The following ATP10B variants were observed in gnomAD, a reference collection of about 807,000 sequenced individuals.
ATP10B encodes the protein phospholipid-transporting ATPase VB.
Under a neutral mutation model 141.2 loss-of-function variants are expected in ATP10B, and 122 were observed. The observed-to-expected ratio is 0.86, with a 90% CI of 0.75 to 1.00. The LOEUF (loss-of-function observed/expected upper bound fraction) is 1.00, where lower values mean the gene tolerates loss of function less well. Ranked by LOEUF, ATP10B falls within the 50% of genes least tolerant of loss-of-function variation. ATP10B has a pLI of 0.00. For synonymous variants in ATP10B, 685 were observed against 692.0 expected, an observed-to-expected ratio of 0.99 and a Z score of 0.16; for missense variants, 1,876 against 1,825.3, an observed-to-expected ratio of 1.03 and a Z score of -0.51.
chr5:160,745,733 G>T (rs1277113627), intron 2 of ATP10B, among the ~76,000 whole-genome samples: 2 of 152,222 alleles, frequency 1.3e-5, no homozygotes, highest in Admixed American at 1.3e-4. Flanking sequence ...GCAAGCTATG[G>T]AATATCTCAA....
chr5:160,679,898 G>A (rs965751615), intron 6 of ATP10B, among the ~76,000 whole-genome samples: 3 of 152,076 alleles, frequency 2.0e-5, no homozygotes, highest in Admixed American at 2.0e-4. Context: ...ATCTGTGGCT[G>A]GTATGGTTTC....
intron 11 of ATP10B, among the ~76,000 whole-genome samples, chr5:160,635,327 G>C (rs1759280753): frequency 6.6e-6 from 1 of 152,068 alleles, no homozygotes; most frequent in Non-Finnish European, 1.5e-5. Flanking sequence ...ATAGGGAGCA[G>C]GCCTTGCAGG....
rs1259821383 is a variant in ATP10B at position 160,684,805 on chromosome 5, C to G, written c.470+1274G>C. The G allele has an allele frequency of 4.5e-6, 3 of 659,566 alleles. No individual in the cohort carries two copies. In the African/African-American group the frequency reaches 5.4e-5, roughly 12 times the overall value. The allele number at this position is 659,566 out of a possible 1,614,324, so 40.9% of individuals were successfully genotyped here. A position where few individuals can be genotyped will look rare whatever the true frequency, so the allele number is the denominator to read the frequency against. The stretch of plus-strand genomic sequence containing the variant: ...CAGCCACAAAAAGATCAGGCTGGGC[C>G]CAAGACTTCCCCAGAGTTTTTTGCT... On this transcript the variant is annotated intron_variant, in intron 6 of 25. Transcript: ENST00000327245.
chr5:160,853,209 C>T (rs1030687893), upstream of ATP10B, among the ~76,000 whole-genome samples: 13 of 152,252 alleles, frequency 8.5e-5, no homozygotes, highest in South Asian at 8.3e-4. Flanking sequence ...TTTAAAAGAG[C>T]GAGTTGGCAT....
rs755505320 is a variant in ATP10B at position 160,589,696 on chromosome 5, C to T, written c.3646G>A (p.Ala1216Thr). ...ACATCTATATCAGAGCCCTTATAGG[C>T]CTGCAGAGGAGGAACAGACAGGCAT... ...SLICFFIPYL[A>T]YKGSDIDVFT... The change falls in exon 24 of 26, where the codon GCC becomes ACC. Residue 1216 changes from alanine (A) to threonine (T), a missense_variant and splice_region_variant. Coordinates refer to ENST00000327245, the MANE Select transcript of ATP10B (RefSeq NM_025153.3). 3.1e-6 allele frequency: 5 copies of T among 1,610,048 alleles called. No individual in the cohort carries two copies. In the Admixed American group the frequency reaches 5.0e-5, roughly 16 times the overall value.
At chr5:160,727,720 G>T (rs1009556697) in intron 2 of ATP10B, among the ~76,000 whole-genome samples, 3 of 152,016 alleles carry the variant, frequency 2.0e-5, no homozygotes, top group Admixed American at 6.5e-5. Flanking sequence ...AAAAATCTCA[G>T]GATCCCAAAG....
chr5:160,634,998 G>C (rs1033416656), intron 11 of ATP10B, among the ~76,000 whole-genome samples: 2 of 152,226 alleles, frequency 1.3e-5, no homozygotes, highest in Admixed American at 1.3e-4. Flanking sequence ...TATTTACCAA[G>C]TGCTTGCTGT....
chr5:160,748,620 C>T (rs1326799452), intron 2 of ATP10B, among the ~76,000 whole-genome samples: 1 of 152,194 alleles, frequency 6.6e-6, no homozygotes, highest in Non-Finnish European at 1.5e-5. Context: ...GCAGGAGTAA[C>T]TTCCAGATGC....
intron 1 of ATP10B, among the ~76,000 whole-genome samples, chr5:160,824,393 A>C (rs1160776271): frequency 6.6e-6 from 1 of 152,172 alleles, no homozygotes; most frequent in Non-Finnish European, 1.5e-5. Context: ...CCAACCTAAG[A>C]AGCTCAGGAG....
At chr5:160,586,858 ATAT>A (rs1755941417) in intron 24 of ATP10B, among the ~76,000 whole-genome samples, 1 of 152,144 alleles carries the variant, frequency 6.6e-6, no homozygotes, top group Non-Finnish European at 1.5e-5. Flanking sequence ...TAGATTCTAG[ATAT>A]TAGCCCTTTG....
intron 2 of ATP10B, among the ~76,000 whole-genome samples, chr5:160,772,988 T>C (rs1770018473): frequency 6.6e-6 from 1 of 152,234 alleles, no homozygotes; most frequent in Non-Finnish European, 1.5e-5. Flanking sequence ...ACTATTCTGC[T>C]AATTTTTAGA....
intron 7 of ATP10B, among the ~76,000 whole-genome samples, chr5:160,650,065 C>T (rs1014519686): frequency 1.3e-5 from 2 of 151,138 alleles, no homozygotes; most frequent in Non-Finnish European, 2.9e-5. Context: ...GCCAAGATCG[C>T]GCCACTGCAC....
rs183929084 is a variant in ATP10B, at chr5:160,600,537, C to T, written c.3364-1567G>A. On this transcript the variant is annotated intron_variant, in intron 21 of 25. Transcript: ENST00000327245. ...TATACCCATTGCTCAGCCCTGTTCCCGACATACAGCAGACATTCAATTGTT... is the reference window on the plus strand; with the variant it reads ...TATACCCATTGCTCAGCCCTGTTCCTGACATACAGCAGACATTCAATTGTT... Among the ~76,000 whole-genome samples, 99 of 152,294 alleles carry T rather than the reference C, an allele frequency of 6.5e-4. 1 individual carries two copies. In the East Asian group the frequency reaches 6.7e-3, roughly 10 times the overall value.
At chr5:160,567,125 C>A (rs1754595657) in intron 25 of ATP10B, among the ~76,000 whole-genome samples, 1 of 152,120 alleles carries the variant, frequency 6.6e-6, no homozygotes, top group Non-Finnish European at 1.5e-5. Flanking sequence ...AAACCTTTTC[C>A]TCAAGCCACT....
chr5:160,764,472 T>A (rs1331132810), intron 2 of ATP10B, among the ~76,000 whole-genome samples: 1 of 152,138 alleles, frequency 6.6e-6, no homozygotes, highest in Admixed American at 6.6e-5. Flanking sequence ...CACATGATCA[T>A]CTCAATAGAT....
rs561542935 is a variant in ATP10B at position 160,677,328 on chromosome 5, G to A, written c.471-6661C>T. 2.8e-4 allele frequency among the ~76,000 whole-genome samples: 43 copies of A among 152,300 alleles called. 1 individual carries two copies. The highest frequency in any genetic ancestry group is 9.9e-4 in the African/African-American group (41 of 41,572). ...GGAGTAGCATGGGCACCTGCAAAAT[G>A]GATGCTTCAGAAAGGAGCCTGGTTT... On this transcript the variant is annotated intron_variant, in intron 6 of 25. Coordinates refer to ENST00000327245, the MANE Select transcript of ATP10B (RefSeq NM_025153.3).
the ATP10B span, among the ~76,000 whole-genome samples, chr5:160,925,493 C>T: frequency 6.6e-6 from 1 of 152,194 alleles, no homozygotes; most frequent in Non-Finnish European, 1.5e-5. Context: ...CAGTGCCAGC[C>T]ACTGTAAGCC....
chr5:160,617,049 C>CA (rs1758061216), intron 16 of ATP10B, among the ~76,000 whole-genome samples: 1 of 152,174 alleles, frequency 6.6e-6, no homozygotes, highest in Admixed American at 6.5e-5. Flanking sequence ...CCAGGTGGTT[C>CA]TGGCTTTAAA....
the ATP10B span, among the ~76,000 whole-genome samples, chr5:160,882,922 G>A: frequency 1.3e-5 from 2 of 151,692 alleles, no homozygotes; most frequent in Non-Finnish European, 2.9e-5. Context: ...GAATGCAGAA[G>A]AAAAAATAGA....
Sources: gnomAD v4.1 joint callset for allele counts (sites outside exome capture counted in the v4.1 genomes callset) on GRCh38, gnomAD v4.1.1 for gene constraint, MANE v1.5 for transcripts, NCBI Gene and HGNC (gene_info 2026-07-23, HGNC 2026-07-21) for gene names.